Variants in PTPN23 observed in about 807,000 individuals in gnomAD.
PTPN23 encodes the protein protein tyrosine phosphatase non-receptor type 23, also known as tyrosine-protein phosphatase non-receptor type 23.
PTPN23 carries 72 observed loss-of-function variants against 156.3 expected under a neutral mutation model. The observed-to-expected ratio is 0.46, with a 90% confidence interval of 0.38 to 0.56. The LOEUF (loss-of-function observed/expected upper bound fraction) is 0.56, where lower values mean the gene tolerates loss of function less well. Among genes scored for constraint, PTPN23 ranks in the 20% least tolerant of loss-of-function variants. PTPN23 has a pLI of 0.00. For missense variants in PTPN23, 1,974 were observed against 2,171.5 expected (o/e 0.91, Z 1.81); for synonymous variants, 957 against 899.6 (o/e 1.06, Z -1.14).
chr3:47,407,468 C>T lies in PTPN23; in HGVS notation c.924-37C>T. On this transcript the variant is annotated intron_variant, in intron 11 of 24. Coordinates refer to ENST00000265562, the MANE Select transcript of PTPN23 (RefSeq NM_015466.4). This position sits in a 1 kb window ranked among gnomAD's most constrained non-coding sequence, Gnocchi z 4.0. ...GTAGGTTCTGGATCCCCACTGACAC[C>T]CCGTGACTGCCCACTCCCCCTGCTC... 4.4e-6 allele frequency: 7 copies of T among 1,608,430 alleles called. No homozygotes were observed. The highest frequency in any genetic ancestry group is 6.0e-6 in the Non-Finnish European group (7 of 1,174,986).
intron 1 of PTPN23, among the ~76,000 whole-genome samples, chr3:47,386,099 C>G (rs1309572765): frequency 2.0e-5 from 3 of 152,190 alleles, no homozygotes; most frequent in African/African-American, 7.2e-5. Context: ...CTTTTCCCTC[C>G]TCTGAATTCA....
chr3:47,413,320 C>T lies in PTPN23; in HGVS notation c.*135C>T, dbSNP rs1559532249. The T allele has an allele frequency of 1.6e-6, 2 of 1,279,988 alleles. No individual in the cohort carries two copies. The highest frequency in any genetic ancestry group is 2.3e-5 in the East Asian group (1 of 42,784). The allele number at this position is 1,279,988 out of a possible 1,614,324, so 79.3% of individuals were successfully genotyped here. ...TGCCTTTGGCCCTGCCTGGCCCAGC[C>T]TGCACCCCTGTGGGGTGGAAATGTA... On this transcript the variant is annotated 3_prime_UTR_variant, in exon 25 of 25. Coordinates refer to ENST00000265562, the MANE Select transcript of PTPN23 (RefSeq NM_015466.4).
chr3:47,404,510 T>C (rs1705075440), intron 2 of PTPN23, 142 bp from the exon 3 acceptor site: 1 of 1,042,724 alleles, frequency 9.6e-7, no homozygotes, highest in Non-Finnish European at 1.4e-6. Flanking sequence ...CGACTATAGG[T>C]ATAGCCATGG....
chr3:47,408,010 T>C, intron 14 of PTPN23, 55 bp downstream of exon 14: 1 of 1,582,228 alleles, frequency 6.3e-7, no homozygotes, highest in East Asian at 2.3e-5. Context: ...CCCGGGCCTC[T>C]GGGGGCCCCA....
chr3:47,410,430 C>G lies in PTPN23; in HGVS notation c.2632C>G (p.Arg878Gly). 6.2e-6 allele frequency: 10 copies of G among 1,611,368 alleles called. No homozygotes were observed. Among genetic ancestry groups the G allele is most frequent in the Non-Finnish European group, 7.6e-6 (9 of 1,179,316 alleles). ...FSGPELAMAV[R>G]PATTTVDSIQ... is the part of the protein sequence containing the mutation. ...AGGCCCCGAGTTGGCCATGGCGGTT[C>G]GGCCAGCCACCACCACAGTAGATAG... The change falls in exon 20 of 25, where the codon CGG (arginine) becomes GGG (glycine). Residue 878 changes from arginine (R) to glycine (G), a missense_variant. By Grantham distance (125) the Arg-to-Gly change is moderately radical. This residue lies in a region of PTPN23 where 731 missense variants were observed against 669.1 expected (regional missense o/e 1.09). Coordinates refer to ENST00000265562, the MANE Select transcript of PTPN23 (RefSeq NM_015466.4).
At chr3:47,409,119 G>C (rs757853601) in intron 16 of PTPN23, 32 bp downstream of exon 16, 17 of 1,606,680 alleles carry the variant, frequency 1.1e-5, no homozygotes, top group Non-Finnish European at 1.7e-6. Context: ...TGGGAGACTC[G>C]AGCTGGGGGT....
intron 15 of PTPN23, 142 bp downstream of exon 15, chr3:47,408,632 A>C: frequency 7.1e-7 from 1 of 1,416,534 alleles, no homozygotes; most frequent in Non-Finnish European, 9.6e-7. Flanking sequence ...CCTCTGAATC[A>C]GCATACCTCT....
Position 47,411,126 on chromosome 3 carries a change from C to T in PTPN23, c.3328C>T (p.Leu1110=), listed in dbSNP as rs1411229809. The change falls in exon 20 of 25, where the codon CTG becomes TTG. Residue 1110 remains leucine (L), a synonymous_variant. Coordinates refer to ENST00000265562, the MANE Select transcript of PTPN23 (RefSeq NM_015466.4). This position sits in a 1 kb window ranked among gnomAD's most constrained non-coding sequence, Gnocchi z 6.3. ...RPPAAEPPPC[L]RRGAAAADLL... is the part of the protein sequence containing the mutation. ...CCCAGCAGCAGAACCACCCCCTTGC[C>T]TGCGCCGAGGCGCCGCAGCTGCAGA... 4 of 1,602,458 alleles carry T rather than the reference C, an allele frequency of 2.5e-6. No homozygotes were observed. Among genetic ancestry groups the T allele is most frequent in the African/African-American group, 2.7e-5 (2 of 74,508 alleles).
rs1705149782 is a variant in PTPN23, at chr3:47,407,260, G to A, written c.865-49G>A. 3 of 1,613,552 alleles carry A rather than the reference G, an allele frequency of 1.9e-6. No homozygotes were observed. Among genetic ancestry groups the A allele is most frequent in the African/African-American group, 1.3e-5 (1 of 74,884 alleles). On this transcript the variant is annotated intron_variant, in intron 10 of 24. Transcript: ENST00000265562. The surrounding 1 kb of genome is among the most constrained non-coding windows in gnomAD (Gnocchi z 4.0). The stretch of plus-strand genomic sequence containing the variant: ...GGTAGGACTGAGGGGGTGTCCTGGT[G>A]CCAGCCTTGGTTAGTGCTAAGGCCC...
intron 2 of PTPN23, among the ~76,000 whole-genome samples, chr3:47,398,485 T>C (rs1704924810): frequency 6.6e-6 from 1 of 152,048 alleles, no homozygotes; most frequent in African/African-American, 2.4e-5. Context: ...TTCCCCGGGA[T>C]TTGCTGGGTT....
rs906402580 is a variant in PTPN23 at position 47,409,017 on chromosome 3, C to T, written c.1572C>T (p.Gly524=). ...ACCGTGCCATGAACCTGCACGTCGG[C>T]AACCTGCGCCTGCTCAGCGGGCCGC... The part of the protein sequence containing the change: ...ELHRAMNLHV[G]NLRLLSGPLD... The change falls in exon 16 of 25, where the codon GGC becomes GGT. Residue 524 remains glycine (G), a synonymous_variant. Transcript: ENST00000265562. The T allele has an allele frequency of 1.2e-6, 2 of 1,613,968 alleles. No homozygotes were observed. The highest frequency in any genetic ancestry group is 2.7e-5 in the African/African-American group (2 of 74,944).
Position 47,412,303 on chromosome 3 carries a change from G to C in PTPN23, c.4199G>C (p.Gly1400Ala). 1 of 1,613,312 alleles carries C rather than the reference G, an allele frequency of 6.2e-7. No homozygotes were observed. Among genetic ancestry groups the C allele is most frequent in the South Asian group, 1.1e-5 (1 of 91,088 alleles). Residue 1400 changes from glycine (G) to alanine (A), a missense_variant, in exon 23 of 25, where the codon GGA becomes GCA. This residue lies in a region of PTPN23 where 484 missense variants were observed against 516.0 expected (regional missense o/e 0.94). Transcript: ENST00000265562. ...CACAGCTCTGGTGTGGGCCGCACGG[G>C]AGCCTTTGCACTGCTCTATGCAGCT... is the stretch of plus-strand genomic sequence containing the variant. ...VHCSSGVGRT[G>A]AFALLYAAVQ... is the part of the protein sequence containing the mutation.
rs1705339783 is a variant in PTPN23 at position 47,412,495 on chromosome 3, G to A, written c.4318-19G>A. 1 of 1,612,304 alleles carries A rather than the reference G, an allele frequency of 6.2e-7. No homozygotes were observed. The highest frequency in any genetic ancestry group is 8.5e-7 in the Non-Finnish European group (1 of 1,179,352). The stretch of plus-strand genomic sequence containing the variant: ...GACGGGCCCCTGCCCAGCTGACCTG[G>A]CCAAATGCACCTGTGCAGCTGCACC... On this transcript the variant is annotated intron_variant, in intron 23 of 24. Coordinates refer to ENST00000265562, the MANE Select transcript of PTPN23 (RefSeq NM_015466.4).
chr3:47,410,371 C>T lies in PTPN23; in HGVS notation c.2573C>T (p.Ala858Val), dbSNP rs942663224. The change falls in exon 20 of 25, where the codon GCA becomes GTA. Residue 858 changes from alanine (A) to valine (V), a missense_variant. By Grantham distance (64) the Ala-to-Val change is moderately conservative. Around this residue, in one of 4 missense-constraint regions of PTPN23, gnomAD observed 731 missense variants for 669.1 expected, o/e 1.09. Transcript: ENST00000265562. ...GGGGTAGGGCCGGCCCCACCAGTTG[C>T]AGGTCTCCCCTCGGCCCCACCTCCT... ...YVGVGPAPPV[A>V]GLPSAPPPQF... is the part of the protein sequence containing the mutation. The T allele has an allele frequency of 1.9e-6, 3 of 1,610,634 alleles. No individual in the cohort carries two copies. Among genetic ancestry groups the T allele is most frequent in the African/African-American group, 1.3e-5 (1 of 74,906 alleles).
chr3:47,403,624 G>A (rs1171528724), intron 2 of PTPN23, among the ~76,000 whole-genome samples: 1 of 152,076 alleles, frequency 6.6e-6, no homozygotes, highest in Non-Finnish European at 1.5e-5. Flanking sequence ...AACCTCCCAG[G>A]CTCAATCGAT....
chr3:47,410,165 C>A lies in PTPN23; in HGVS notation c.2367C>A (p.Gly789=), dbSNP rs142254821. 4.8e-5 allele frequency: 77 copies of A among 1,593,982 alleles called. No individual in the cohort carries two copies. The highest frequency in any genetic ancestry group is 1.2e-4 in the Admixed American group (7 of 57,866). The change falls in exon 20 of 25, where the codon GGC becomes GGA. Residue 789 remains glycine, a synonymous_variant. Transcript: ENST00000265562. ...STGPGPHYLS[G]PLPPGTYSGP... ...GCCCAGGACCCCACTATCTCTCAGGCCCCTTGCCCCCTGGTACCTACTCGG... is the reference window on the plus strand; with the variant it reads ...GCCCAGGACCCCACTATCTCTCAGGACCCTTGCCCCCTGGTACCTACTCGG...
chr3:47,404,910 C>T, intron 3 of PTPN23, 95 bp from the exon 4 acceptor site: 1 of 1,587,110 alleles, frequency 6.3e-7, no homozygotes, highest in South Asian at 1.1e-5. Context: ...CCAGGCCTCC[C>T]CACATCCCCA....
Position 47,409,675 on chromosome 3 carries a change from C to T in PTPN23, c.1970C>T (p.Thr657Ile), listed in dbSNP as rs963046582. 6.2e-7 allele frequency: 1 copy of T among 1,611,380 alleles called. No individual in the cohort carries two copies. ...LDQKWNSTLQ[T>I]LVASYEAYED... ...ACCAGGTGGAACTCCACGCTGCAGA[C>T]CCTGGTGGCCTCGTATGAAGCCTAT... Residue 657 changes from threonine to isoleucine, a missense_variant, in exon 19 of 25, where the codon ACC becomes ATC. Physicochemically the swap from Thr to Ile is moderately conservative, Grantham distance 89. This residue lies in a region of PTPN23 where 726 missense variants were observed against 929.5 expected (regional missense o/e 0.78). Transcript: ENST00000265562.
intron 1 of PTPN23, among the ~76,000 whole-genome samples, chr3:47,388,241 C>T (rs567152210): frequency 6.6e-6 from 1 of 152,072 alleles, no homozygotes; most frequent in Non-Finnish European, 1.5e-5. Context: ...TGGGGTCTTG[C>T]TGTAACACCC....
Sources: allele counts gnomAD v4.1 joint callset (sites outside exome capture counted in the v4.1 genomes callset), GRCh38; gene constraint gnomAD v4.1.1; regional missense constraint gnomAD v4.1.1; non-coding constraint Gnocchi (gnomAD v3.1); transcripts MANE v1.5; gene names NCBI Gene and HGNC (gene_info 2026-07-23, HGNC 2026-07-21).